Variants in NUP35 observed in about 807,000 individuals in gnomAD.
The protein encoded by NUP35 is nucleoporin 35, also known as nucleoporin NUP35.
Under a neutral mutation model 41.5 loss-of-function variants are expected in NUP35, and 25 were observed. The ratio of observed to expected loss-of-function variants is 0.60; its 90% CI spans 0.44 to 0.84. The LOEUF (loss-of-function observed/expected upper bound fraction) is 0.84, where lower values mean the gene tolerates loss of function less well. Among genes scored for constraint, NUP35 ranks in the 40% least tolerant of loss-of-function variants. The probability of loss-of-function intolerance (pLI) is 0.00; values close to 1 mark genes in which losing one functional copy is unlikely to be tolerated. For missense variants in NUP35, 396 were observed against 396.6 expected (o/e 1.00, Z 0.01); for synonymous variants, 149 against 130.7 (o/e 1.14, Z -0.96).
intron 5 of NUP35, 43 bp from the exon 6 acceptor site, chr2:183,157,401 A>T: frequency 7.3e-7 from 1 of 1,361,716 alleles, no homozygotes; most frequent in South Asian, 1.2e-5. Context: ...ATTCACATTG[A>T]TAGTAGAAGC....
chr2:183,127,777 A>G (rs1022972482), intron 1 of NUP35, among the ~76,000 whole-genome samples: 3 of 152,212 alleles, frequency 2.0e-5, no homozygotes, highest in African/African-American at 7.2e-5. Context: ...GCTGTCACAG[A>G]TAAATATTGT....
At chr2:183,153,809 A>C (rs1007168948) in intron 5 of NUP35, among the ~76,000 whole-genome samples, 58 of 152,214 alleles carry the variant, frequency 3.8e-4, no homozygotes, top group African/African-American at 1.3e-3. Context: ...GCAGTGCCCT[A>C]GTAGGGACCC....
At position 183,157,453 on chromosome 2, in the gene NUP35, A is replaced by G; in HGVS notation, c.549A>G (p.Gln183=). The G allele has an allele frequency of 6.2e-7, 1 of 1,611,848 alleles. No individual in the cohort carries two copies. Among genetic ancestry groups the G allele is most frequent in the Non-Finnish European group, 8.5e-7 (1 of 1,178,094 alleles). Residue 183 remains glutamine, a synonymous_variant, in exon 6 of 9, where the codon CAA becomes CAG. Transcript: ENST00000295119. ...CAACTCTTTTTTTCAGGTTTCCTCA[A>G]GCATCTGCTTCCTACATATTACTAC... ...DSWVTVFGFP[Q]ASASYILLQF...
chr2:183,118,400 CA>C (rs1273275926), intron 1 of NUP35: 1 of 151,946 alleles, frequency 6.6e-6, no homozygotes, highest in East Asian at 1.9e-4. Context: ...TCATTTTACA[CA>C]AAAAAGGGTA....
Position 183,159,493 on chromosome 2 carries a change from T to A in NUP35, c.744T>A (p.Val248=), listed in dbSNP as rs774394595. 21 of 1,613,000 alleles carry A rather than the reference T, an allele frequency of 1.3e-5. No individual in the cohort carries two copies. ...IGVKPCIDKS[V]MESSDRCALS... ...TTATTTCTTTGTTTCTCCAGAGTGTTATGGAAAGCAGTGACAGATGTGCTT... is the reference window on the plus strand; with the variant it reads ...TTATTTCTTTGTTTCTCCAGAGTGTAATGGAAAGCAGTGACAGATGTGCTT... Residue 248 remains valine, a synonymous_variant, in exon 8 of 9, where the codon GTT becomes GTA. Coordinates refer to ENST00000295119, the MANE Select transcript of NUP35 (RefSeq NM_138285.5).
chr2:183,121,915 T>TTTTTTATTATTATTATTATTATTA (rs143821626), upstream of NUP35, among the ~76,000 whole-genome samples: 5 of 145,360 alleles, frequency 3.4e-5, no homozygotes, highest in Admixed American at 2.1e-4. Context: ...GGCCATTCTT[T>TTTTTTATTATTATTATTATTATTA]TTATTATTAT....
rs79041797 is a variant in NUP35 at position 183,129,783 on chromosome 2, G to A, written c.212-635G>A. Among the ~76,000 whole-genome samples, 7 of 152,332 alleles carry A rather than the reference G, an allele frequency of 4.6e-5. No individual in the cohort carries two copies. The East Asian group carries it at 5.8e-4, about 13-fold the overall frequency. On this transcript the variant is annotated intron_variant, in intron 2 of 8. Transcript: ENST00000295119. The stretch of plus-strand genomic sequence containing the variant: ...GACTGTGCTCTAAATAGCTTAAGCT[G>A]TACAGTCCAGGCTCAGACATTAGTC...
intron 8 of NUP35, 75 bp downstream of exon 8, chr2:183,159,727 T>G: frequency 8.7e-7 from 1 of 1,153,490 alleles, no homozygotes; most frequent in Non-Finnish European, 1.3e-6. Flanking sequence ...TTTCATTGTA[T>G]TGATTTGTAT....
Position 183,125,351 on chromosome 2 carries a change from G to C in NUP35, c.40+854G>C, listed in dbSNP as rs577984081. Among the ~76,000 whole-genome samples the C allele has an allele frequency of 2.5e-3, 380 of 151,930 alleles. 9 individuals are homozygous for C. Among genetic ancestry groups the C allele is most frequent in the African/African-American group, 8.7e-3 (358 of 41,218 alleles). ...AGAACGGAAAATAAACCGTCTTACTGTCATAGAGACTTACCTGAAAAGTTA... is the reference window on the plus strand; with the variant it reads ...AGAACGGAAAATAAACCGTCTTACTCTCATAGAGACTTACCTGAAAAGTTA... On this transcript the variant is annotated intron_variant, in intron 1 of 8. Transcript: ENST00000295119.
chr2:183,159,721 A>G (rs1685801751), intron 8 of NUP35, 69 bp downstream of exon 8: 2 of 1,234,604 alleles, frequency 1.6e-6, no homozygotes, highest in Non-Finnish European at 2.3e-6. Flanking sequence ...TAACTTTTTC[A>G]TTGTATTGAT....
intron 2 of NUP35, among the ~76,000 whole-genome samples, chr2:183,128,672 T>A (rs994956949): frequency 6.6e-6 from 1 of 152,060 alleles, no homozygotes; most frequent in African/African-American, 2.4e-5. Flanking sequence ...TGGGCAACAT[T>A]CAAAGCCATC....
chr2:183,159,422 AG>A (rs1685786954), intron 7 of NUP35, 65 bp from the exon 8 acceptor site: 1 of 1,140,072 alleles, frequency 8.8e-7, no homozygotes, highest in Non-Finnish European at 1.2e-6. Context: ...TTTTCTAAGT[AG>A]GATGTAATAC....
At chr2:183,128,535 A>G (rs1200285052) in intron 2 of NUP35, 78 bp downstream of exon 2, 11 of 965,900 alleles carry the variant, frequency 1.1e-5, no homozygotes, top group African/African-American at 1.7e-5. Context: ...CCTGAACCAC[A>G]TTGGAAGAAG....
chr2:183,128,469 G>A lies in NUP35; in HGVS notation c.211+12G>A, dbSNP rs1684577157. 2 of 1,604,992 alleles carry A rather than the reference G, an allele frequency of 1.2e-6. No homozygotes were observed. Among genetic ancestry groups the A allele is most frequent in the Non-Finnish European group, 1.7e-6 (2 of 1,174,262 alleles). On this transcript the variant is annotated intron_variant, in intron 2 of 8. Transcript: ENST00000295119. ...ACCTTTACTTGCAGGTAGGTGAATT[G>A]CTTAAAATAATTTTATAGACATGCT...
At chr2:183,138,261 ATATATATAT>A (rs1188148361) in intron 4 of NUP35, among the ~76,000 whole-genome samples, 3 of 52,048 alleles carry the variant, frequency 5.8e-5, no homozygotes, top group African/African-American at 1.9e-4. Context: ...ATATATATAT[ATATATATAT>A]TTTTTTTTTT....
intron 1 of NUP35, 47 bp downstream of exon 1, chr2:183,124,544 T>C (rs761446054): frequency 1.2e-6 from 2 of 1,610,870 alleles, no homozygotes; most frequent in Admixed American, 3.3e-5. Flanking sequence ...ATCCATGCTC[T>C]GGGCCTGGAG....
intron 7 of NUP35, among the ~76,000 whole-genome samples, chr2:183,159,267 ATTGT>A (rs1685782460): frequency 6.6e-6 from 1 of 152,058 alleles, no homozygotes; most frequent in Admixed American, 6.6e-5. Flanking sequence ...TTGTATTGAG[ATTGT>A]TTGAGGTCAC....
At chr2:183,125,257 C>CT (rs752286358) in intron 1 of NUP35, among the ~76,000 whole-genome samples, 24 of 151,872 alleles carry the variant, frequency 1.6e-4, no homozygotes, top group Non-Finnish European at 2.8e-4. Flanking sequence ...AAATCTACCA[C>CT]TTTAACAGCA....
At chr2:183,136,263 T>C (rs553174405) in intron 4 of NUP35, among the ~76,000 whole-genome samples, 1 of 152,364 alleles carries the variant, frequency 6.6e-6, no homozygotes, top group East Asian at 1.9e-4. Context: ...CATAACAAAT[T>C]ACGACAAACT....
Sources: allele counts gnomAD v4.1 joint callset (sites outside exome capture counted in the v4.1 genomes callset), GRCh38; gene constraint gnomAD v4.1.1; transcripts MANE v1.5; gene names NCBI Gene and HGNC (gene_info 2026-07-23, HGNC 2026-07-21).